MAN1A2: variants seen among roughly 807,000 people sequenced by gnomAD.
MAN1A2 encodes mannosyl-oligosaccharide 1,2-alpha-mannosidase IB.
MAN1A2 carries 26 observed loss-of-function variants against 75.7 expected under a neutral mutation model. That is an observed-to-expected ratio of 0.34 (90% confidence interval 0.25 to 0.48). The LOEUF (loss-of-function observed/expected upper bound fraction) is 0.48. Ranked by LOEUF, MAN1A2 falls within the 20% of genes least tolerant of loss-of-function variation. The pLI, the probability that MAN1A2 is intolerant of heterozygous loss-of-function variation, is 0.99. For missense variants in MAN1A2, 562 were observed against 775.5 expected (o/e 0.72, Z 3.27); for synonymous variants, 247 against 264.6 (o/e 0.93, Z 0.65).
intron 5 of MAN1A2, among the ~76,000 whole-genome samples, chr1:117,437,556 CGT>C (rs937949224): frequency 6.6e-6 from 1 of 151,048 alleles, no homozygotes; most frequent in African/African-American, 2.4e-5. Flanking sequence ...AGTGTGTGTG[CGT>C]GTGTGTGTGT....
At chr1:117,395,724 A>T (rs559792267) in intron 1 of MAN1A2, among the ~76,000 whole-genome samples, 1 of 152,178 alleles carries the variant, frequency 6.6e-6, no homozygotes, top group Non-Finnish European at 1.5e-5. Flanking sequence ...ATAAAACTAG[A>T]TTTTTTTGGA....
At chr1:117,378,434 A>G (rs1653227534) in intron 1 of MAN1A2, among the ~76,000 whole-genome samples, 2 of 152,146 alleles carry the variant, frequency 1.3e-5, no homozygotes, top group Non-Finnish European at 2.9e-5. Context: ...CTCTGGTTCA[A>G]TTATATAATT....
At chr1:117,385,771 G>A (rs1653502804) in intron 1 of MAN1A2, among the ~76,000 whole-genome samples, 1 of 152,196 alleles carries the variant, frequency 6.6e-6, no homozygotes, top group African/African-American at 2.4e-5. Flanking sequence ...AACACATGCA[G>A]AAAAGGTATT....
At chr1:117,436,970 CA>C (rs1277837645) in intron 5 of MAN1A2, among the ~76,000 whole-genome samples, 1 of 152,104 alleles carries the variant, frequency 6.6e-6, no homozygotes, top group Non-Finnish European at 1.5e-5. Flanking sequence ...TTATTATTTG[CA>C]GGTTCATTTT....
intron 6 of MAN1A2, among the ~76,000 whole-genome samples, chr1:117,445,890 A>ATATATATATATATATATC: frequency 7.0e-6 from 1 of 142,654 alleles, no homozygotes; most frequent in Non-Finnish European, 1.5e-5. Context: ...GTGTGTATAT[A>ATATATATATATATATATC]TATATATATG....
At chr1:117,436,868 G>C (rs1648865802) in intron 5 of MAN1A2, among the ~76,000 whole-genome samples, 1 of 152,176 alleles carries the variant, frequency 6.6e-6, no homozygotes, top group African/African-American at 2.4e-5. Context: ...CAGTAGTCTT[G>C]TGTCTTCTGC....
chr1:117,414,862 G>A, intron 4 of MAN1A2, 31 bp downstream of exon 4: 1 of 1,283,774 alleles, frequency 7.8e-7, no homozygotes, highest in South Asian at 1.2e-5. Context: ...TAATCTCTTA[G>A]ATTAACCATG....
chr1:117,476,745 G>C (rs1398205986), intron 8 of MAN1A2, among the ~76,000 whole-genome samples: 1 of 152,050 alleles, frequency 6.6e-6, no homozygotes, highest in Non-Finnish European at 1.5e-5. Flanking sequence ...GTACCATGCT[G>C]TTTTGGTTAC....
intron 8 of MAN1A2, among the ~76,000 whole-genome samples, chr1:117,486,211 G>A (rs1225326826): frequency 6.6e-6 from 1 of 151,894 alleles, no homozygotes; most frequent in Non-Finnish European, 1.5e-5. Context: ...GGCAAAATAA[G>A]CTCATAGTAC....
At chr1:117,503,136 T>G (rs2101883097) in intron 12 of MAN1A2, among the ~76,000 whole-genome samples, 166 bp downstream of exon 12, 1 of 151,708 alleles carries the variant, frequency 6.6e-6, no homozygotes, top group Middle Eastern at 3.4e-3. Flanking sequence ...AAAGAATGAC[T>G]TAGACTATAA....
intron 12 of MAN1A2, among the ~76,000 whole-genome samples, 163 bp from the exon 13 acceptor site, chr1:117,522,662 C>G (rs34350477): frequency 0.22 from 32,773 of 151,520 alleles, 4,633 homozygotes; most frequent in East Asian, 0.42. Context: ...AACCTCTTGT[C>G]TTTGTGTTTA....
At chr1:117,410,977 G>T (rs750446340) in intron 3 of MAN1A2, among the ~76,000 whole-genome samples, 1 of 151,720 alleles carries the variant, frequency 6.6e-6, no homozygotes, top group Non-Finnish European at 1.5e-5. Context: ...GGAGAGAAAT[G>T]CCATGTTGAT....
chr1:117,429,888 G>A (rs1399194482), intron 5 of MAN1A2, among the ~76,000 whole-genome samples: 4 of 70,366 alleles, frequency 5.7e-5, no homozygotes, highest in African/African-American at 1.6e-4. Context: ...CAGATGGGGC[G>A]GCTGGCCGGG....
chr1:117,400,224 C>A (rs1647376541), intron 1 of MAN1A2, among the ~76,000 whole-genome samples: 2 of 151,984 alleles, frequency 1.3e-5, no homozygotes, highest in African/African-American at 4.8e-5. Context: ...TTCCTCCCTG[C>A]TGAATGACCT....
chr1:117,410,215 T>C (rs1322043378), intron 3 of MAN1A2, among the ~76,000 whole-genome samples: 1 of 151,976 alleles, frequency 6.6e-6, no homozygotes, highest in Non-Finnish European at 1.5e-5. Flanking sequence ...TACTGAAGGC[T>C]GAGTGTATAT....
At chr1:117,441,135 T>G (rs1488253316) in intron 5 of MAN1A2, among the ~76,000 whole-genome samples, 1 of 152,164 alleles carries the variant, frequency 6.6e-6, no homozygotes, top group Non-Finnish European at 1.5e-5. Flanking sequence ...TTGGAACATC[T>G]TAATGAGGGA....
intron 1 of MAN1A2, among the ~76,000 whole-genome samples, chr1:117,392,448 A>G (rs990973480): frequency 1.3e-5 from 2 of 151,922 alleles, no homozygotes; most frequent in African/African-American, 2.4e-5. Context: ...ATTCTTTTCT[A>G]TGTATATCTT....
intron 1 of MAN1A2, among the ~76,000 whole-genome samples, chr1:117,374,009 TTTTG>T (rs1235702444): frequency 1.3e-5 from 2 of 152,110 alleles, no homozygotes; most frequent in Non-Finnish European, 2.9e-5. Flanking sequence ...TGGGCAAATG[TTTTG>T]TTTACTATTG....
chr1:117,436,832 A>C (rs1648864549), intron 5 of MAN1A2, among the ~76,000 whole-genome samples: 1 of 152,212 alleles, frequency 6.6e-6, no homozygotes, highest in South Asian at 2.1e-4. Flanking sequence ...CTTTTCTATA[A>C]ATAATAAAGC....
Sources: allele counts gnomAD v4.1 joint callset (sites outside exome capture counted in the v4.1 genomes callset), GRCh38; gene constraint gnomAD v4.1.1; transcripts MANE v1.5; gene names NCBI Gene and HGNC (gene_info 2026-07-23, HGNC 2026-07-21).